Variants in PPP1R21 observed in about 807,000 individuals in gnomAD.
PPP1R21 encodes KLRAQ motif containing 1.
In PPP1R21, 85 loss-of-function variants were observed where a neutral mutation model predicts 112.8. The observed-to-expected ratio is 0.75, with a 90% CI of 0.63 to 0.90. The LOEUF (loss-of-function observed/expected upper bound fraction) is 0.90. Ranked by LOEUF, PPP1R21 falls within the 40% of genes least tolerant of loss-of-function variation. PPP1R21 has a pLI of 0.00. For synonymous variants in PPP1R21, 381 were observed against 322.3 expected (o/e 1.18, Z -1.95); for missense variants, 1,199 against 901.5 (o/e 1.33, Z -4.23).
intron 1 of PPP1R21, among the ~76,000 whole-genome samples, chr2:48,449,517 C>T (rs924781009): frequency 6.6e-6 from 1 of 152,138 alleles, no homozygotes; most frequent in African/African-American, 2.4e-5. Context: ...ATAGAAGAAT[C>T]TCATCTTTTT....
rs1195278355 is a variant in PPP1R21, at chr2:48,479,938, G to A, written c.1240G>A (p.Gly414Arg). The A allele has an allele frequency of 6.2e-7, 1 of 1,608,722 alleles. No individual in the cohort carries two copies. Among genetic ancestry groups the A allele is most frequent in the Non-Finnish European group, 8.5e-7 (1 of 1,175,128 alleles). ...TGATTTCCTAGGTACAGAGCCAGAT[G>A]GACTCCTTCGGACAAACTACAGTTC... ...LLALPSTEPD[G>R]LLRTNYSSVL... The change falls in exon 13 of 22, where the codon GGA (glycine) becomes AGA (arginine). Residue 414 changes from glycine (G) to arginine (R), a missense_variant. By Grantham distance (125) the Gly-to-Arg change is moderately radical. Transcript: ENST00000294952.
At chr2:48,482,795 T>G (rs1352133655) in intron 13 of PPP1R21, among the ~76,000 whole-genome samples, 3 of 152,082 alleles carry the variant, frequency 2.0e-5, no homozygotes, top group African/African-American at 7.2e-5. Flanking sequence ...AACTTTTAAG[T>G]TCAGGGGTAA....
Position 48,460,243 on chromosome 2 carries a change from C to G in PPP1R21, c.599+90C>G. 2.3e-6 allele frequency: 3 copies of G among 1,290,060 alleles called. No homozygotes were observed. The South Asian group carries it at 3.8e-5, about 16-fold the overall frequency. The allele number at this position is 1,290,060 out of a possible 1,614,324, so 79.9% of individuals were successfully genotyped here. On this transcript the variant is annotated intron_variant, in intron 6 of 21. Transcript: ENST00000294952. Reference sequence around the variant, plus strand: ...GTAGCAGCTCCTCTGTTTTAATTGTCTTACATTTAAAAGGAGAAAATGGGA... The same window carrying G: ...GTAGCAGCTCCTCTGTTTTAATTGTGTTACATTTAAAAGGAGAAAATGGGA...
At chr2:48,493,712 C>T (rs1232043080) in intron 15 of PPP1R21, among the ~76,000 whole-genome samples, 3 of 151,920 alleles carry the variant, frequency 2.0e-5, no homozygotes, top group African/African-American at 7.3e-5. Context: ...GCTGGTTGTC[C>T]TTGTACCGTT....
At chr2:48,454,462 A>T in intron 2 of PPP1R21, 133 bp from the exon 3 acceptor site, 3 of 1,014,024 alleles carry the variant, frequency 3.0e-6, no homozygotes, top group East Asian at 2.6e-5. Context: ...AACTGAAGTG[A>T]TACACATACA....
chr2:48,494,039 T>C (rs1669691278), intron 15 of PPP1R21, among the ~76,000 whole-genome samples: 1 of 115,060 alleles, frequency 8.7e-6, no homozygotes, highest in Non-Finnish European at 1.7e-5. Context: ...CTGGGCAACA[T>C]AGGGAGACCT....
At chr2:48,459,178 A>AACACAC (rs147118323) in intron 4 of PPP1R21, among the ~76,000 whole-genome samples, 3 of 149,812 alleles carry the variant, frequency 2.0e-5, no homozygotes, top group Middle Eastern at 6.4e-3. Flanking sequence ...AATGGTAGGA[A>AACACAC]ACACACACAC....
intron 1 of PPP1R21, among the ~76,000 whole-genome samples, chr2:48,442,485 A>T (rs948784267): frequency 4.6e-5 from 7 of 152,192 alleles, no homozygotes; most frequent in Non-Finnish European, 7.3e-5. Flanking sequence ...AAGTTTTTGG[A>T]TATGTAAGCT....
chr2:48,511,495 C>G (rs775968222), intron 21 of PPP1R21, 27 bp downstream of exon 21: 23 of 1,604,840 alleles, frequency 1.4e-5, no homozygotes, highest in Non-Finnish European at 2.0e-5. Context: ...GAGGTAGTCT[C>G]TCTGCAATAT....
chr2:48,476,833 A>C (rs1286316963), intron 12 of PPP1R21, among the ~76,000 whole-genome samples: 2 of 152,082 alleles, frequency 1.3e-5, no homozygotes, highest in Non-Finnish European at 2.9e-5. Context: ...TTTATGTATT[A>C]TACATACAAG....
intron 13 of PPP1R21, among the ~76,000 whole-genome samples, chr2:48,483,472 T>C (rs1481082421): frequency 6.6e-6 from 1 of 152,128 alleles, no homozygotes. Context: ...CGTGAGCCAC[T>C]GCACCTGGCC....
At chr2:48,471,035 A>G (rs1668473733) in intron 9 of PPP1R21, 52 bp from the exon 10 acceptor site, 10 of 1,232,250 alleles carry the variant, frequency 8.1e-6, no homozygotes, top group Admixed American at 3.5e-5. Flanking sequence ...AAATGTGTTG[A>G]TGTTTGTTAT....
intron 9 of PPP1R21, among the ~76,000 whole-genome samples, chr2:48,469,431 CAT>C (rs767862891): frequency 0.048 from 2,333 of 48,228 alleles, 476 homozygotes; most frequent in Non-Finnish European, 0.069. Flanking sequence ...ATATATAGAG[CAT>C]ATATATATAT....
intron 3 of PPP1R21, among the ~76,000 whole-genome samples, chr2:48,455,142 ATT>A (rs767494556): frequency 1.1e-4 from 13 of 116,996 alleles, no homozygotes; most frequent in East Asian, 8.7e-4. Flanking sequence ...CCGGCCCTGA[ATT>A]TTTTTTTTTT....
In PPP1R21 at chr2:48,495,765, A is replaced by C. The variant is rs1226473216; in HGVS notation, c.1686A>C (p.Ala562=). ...CTACTGAAAGTCGAGAAGGCCTTGC[A>C]CAGCAAGTATGGCACTGGGAAAATT... ...LSSTESREGL[A]QQVQQSLEKI... Residue 562 remains alanine (A), a synonymous_variant, in exon 16 of 22, where the codon GCA becomes GCC. Transcript: ENST00000294952. 6.3e-7 allele frequency: 1 copy of C among 1,584,308 alleles called. No individual in the cohort carries two copies.
chr2:48,472,729 A>G (rs1364518230), intron 11 of PPP1R21, among the ~76,000 whole-genome samples: 1 of 152,096 alleles, frequency 6.6e-6, no homozygotes, highest in African/African-American at 2.4e-5. Flanking sequence ...CGGGAAGATC[A>G]CTTGAGGCCA....
At chr2:48,466,797 G>A (rs1176242448) in intron 9 of PPP1R21, among the ~76,000 whole-genome samples, 1 of 152,132 alleles carries the variant, frequency 6.6e-6, no homozygotes, top group Non-Finnish European at 1.5e-5. Flanking sequence ...TGAGGCATGG[G>A]GAGGGAATAA....
intron 1 of PPP1R21, chr2:48,441,330 G>T: frequency 9.0e-6 from 4 of 443,306 alleles, no homozygotes; most frequent in South Asian, 7.2e-5. Context: ...GAGAAGGGAA[G>T]GGAAAGGTGT....
At chr2:48,487,010 A>T in intron 14 of PPP1R21, among the ~76,000 whole-genome samples, 1 of 152,132 alleles carries the variant, frequency 6.6e-6, no homozygotes, top group Middle Eastern at 3.2e-3. Flanking sequence ...GGTGGCGGGG[A>T]CTATGGGCAC....
Sources: gnomAD v4.1 joint callset for allele counts (sites outside exome capture counted in the v4.1 genomes callset) on GRCh38, gnomAD v4.1.1 for gene constraint, MANE v1.5 for transcripts, NCBI Gene and HGNC (gene_info 2026-07-23, HGNC 2026-07-21) for gene names.